RNF217: variants seen among roughly 807,000 people sequenced by gnomAD.
RNF217 encodes E3 ubiquitin-protein ligase RNF217.
Under a neutral mutation model 57.8 loss-of-function variants are expected in RNF217, and 31 were observed. The ratio of observed to expected loss-of-function variants is 0.54; its 90% CI spans 0.40 to 0.72. The LOEUF (loss-of-function observed/expected upper bound fraction) is 0.72, where lower values mean the gene tolerates loss of function less well. Among genes scored for constraint, RNF217 ranks in the 30% least tolerant of loss-of-function variants. RNF217 has a pLI of 0.00. For missense variants in RNF217, 696 were observed against 708.3 expected (o/e 0.98, Z 0.20); for synonymous variants, 313 against 294.0 (o/e 1.06, Z -0.66).
intron 1 of RNF217, among the ~76,000 whole-genome samples, chr6:124,987,745 G>A (rs1784411635): frequency 1.3e-5 from 2 of 151,988 alleles, no homozygotes; most frequent in South Asian, 2.1e-4. Flanking sequence ...GGAATAGCTG[G>A]GACTATACCT....
At chr6:125,034,039 GTTGT>G (rs1786488559) in intron 1 of RNF217, among the ~76,000 whole-genome samples, 1 of 151,704 alleles carries the variant, frequency 6.6e-6, no homozygotes, top group South Asian at 2.1e-4. Context: ...TTTTGATGGG[GTTGT>G]TTGTTTTTTT....
In RNF217 at chr6:125,045,403, G is replaced by T; in HGVS notation, c.1075G>T (p.Gly359Ter). ...GCACTTTACAACCTTCAAGAAAAAA[G>T]GACATATTCCCACCCCTTCCAGATC... ...CKHFTTFKKK[G>*]HIPTPSRSES... The change falls in exon 2 of 6, where the codon GGA becomes TGA. Residue 359 changes from glycine (G) to a stop codon, truncating the protein, a stop_gained. Coordinates refer to ENST00000521654, the MANE Select transcript of RNF217 (RefSeq NM_001286398.3). LOFTEE classifies it high-confidence loss of function. The T allele has an allele frequency of 6.2e-7, 1 of 1,613,078 alleles. No homozygotes were observed. The highest frequency in any genetic ancestry group is 2.2e-5 in the East Asian group (1 of 44,756).
chr6:125,008,807 A>ATG (rs1785300101), intron 1 of RNF217: 1 of 150,530 alleles, frequency 6.6e-6, no homozygotes, highest in Non-Finnish European at 1.5e-5. Flanking sequence ...GGTAGTAAAA[A>ATG]TGTTGTGTTT....
intron 1 of RNF217, among the ~76,000 whole-genome samples, chr6:124,976,873 A>G (rs796804582): frequency 6.6e-5 from 10 of 152,298 alleles, no homozygotes; most frequent in African/African-American, 2.2e-4. Flanking sequence ...CTTAGTTTTT[A>G]TTATATCACC....
intron 4 of RNF217, among the ~76,000 whole-genome samples, chr6:125,078,702 T>G (rs932062771): frequency 2.0e-5 from 3 of 152,158 alleles, no homozygotes; most frequent in Non-Finnish European, 4.4e-5. Flanking sequence ...CTTTTTGGCC[T>G]GTCTTTTGTG....
chr6:124,991,088 A>C (rs567691448), intron 1 of RNF217, among the ~76,000 whole-genome samples: 1 of 152,158 alleles, frequency 6.6e-6, no homozygotes, highest in Non-Finnish European at 1.5e-5. Flanking sequence ...AAGACCTGAC[A>C]TGTTGCTCTT....
intron 3 of RNF217, among the ~76,000 whole-genome samples, chr6:125,071,858 C>A (rs1398532623): frequency 2.0e-5 from 3 of 152,130 alleles, no homozygotes; most frequent in Non-Finnish European, 4.4e-5. Flanking sequence ...ATTATCTAGT[C>A]TTTCTCCATC....
In RNF217 at chr6:125,032,466, A is replaced by AAT. The variant is rs201239570; in HGVS notation, c.883-12732_883-12731dup. ...AGGAAACACTTATGCCAAATATATA[A>AAT]ATATATATATATATTTCTTATCTCC... On this transcript the variant is annotated intron_variant, in intron 1 of 5. Coordinates refer to ENST00000521654, the MANE Select transcript of RNF217 (RefSeq NM_001286398.3). Among the ~76,000 whole-genome samples, 684 of 151,308 alleles carry AAT rather than the reference A, an allele frequency of 4.5e-3. 10 individuals are homozygous for AAT. The highest frequency in any genetic ancestry group is 0.013 in the African/African-American group (540 of 41,338).
intron 1 of RNF217, among the ~76,000 whole-genome samples, chr6:125,025,864 GT>G (rs1380501765): frequency 6.6e-6 from 1 of 152,198 alleles, no homozygotes; most frequent in Non-Finnish European, 1.5e-5. Flanking sequence ...AGCTGATCCT[GT>G]TGGATTTTTA....
At chr6:125,021,428 A>G in intron 1 of RNF217, among the ~76,000 whole-genome samples, 1 of 151,602 alleles carries the variant, frequency 6.6e-6, no homozygotes, top group Non-Finnish European at 1.5e-5. Context: ...ACCATGCCCG[A>G]CTAATTTTTT....
chr6:125,062,395 AT>A (rs1787769285), intron 3 of RNF217, among the ~76,000 whole-genome samples: 1 of 152,030 alleles, frequency 6.6e-6, no homozygotes. Flanking sequence ...GAACATTAAA[AT>A]TTTTTTCCTC....
At chr6:125,078,713 T>C (rs9491306) in intron 4 of RNF217, among the ~76,000 whole-genome samples, 1,696 of 152,220 alleles carry the variant, frequency 0.011, 24 homozygotes, top group African/African-American at 0.034. Context: ...GTCTTTTGTG[T>C]GTGCAGGCGC....
chr6:125,045,969 CAT>C (rs1787082792), intron 2 of RNF217, among the ~76,000 whole-genome samples: 1 of 151,904 alleles, frequency 6.6e-6, no homozygotes, highest in Admixed American at 6.6e-5. Context: ...ATGGGAGAGA[CAT>C]GTGTTCTAAA....
chr6:125,045,530 G>A (rs1787064504), intron 2 of RNF217, 86 bp downstream of exon 2: 2 of 928,140 alleles, frequency 2.2e-6, no homozygotes, highest in Non-Finnish European at 3.3e-6. Flanking sequence ...CATTAAGGGG[G>A]CATCTTTCCT....
At position 125,082,912 on chromosome 6, in the gene RNF217, G is replaced by C. The variant is rs376223558; in HGVS notation, c.1604G>C (p.Arg535Pro). 6.9e-6 allele frequency: 11 copies of C among 1,604,380 alleles called. No individual in the cohort carries two copies. Among genetic ancestry groups the C allele is most frequent in the Non-Finnish European group, 8.5e-6 (10 of 1,177,120 alleles). ...IYCLCKKQRK[R>P]SRTGMHW ...TGCCTTTGTAAAAAACAGAGAAAAC[G>C]ATCACGGACAGGTATGCACTGGTAA... The change falls in exon 6 of 6, where the codon CGA (arginine) becomes CCA (proline). Residue 535 changes from arginine to proline, a missense_variant. Around this residue, in one of 2 missense-constraint regions of RNF217, gnomAD observed 231 missense variants for 321.4 expected, o/e 0.72. Coordinates refer to ENST00000521654, the MANE Select transcript of RNF217 (RefSeq NM_001286398.3).
chr6:125,059,344 G>A (rs1787642169), intron 3 of RNF217, among the ~76,000 whole-genome samples: 1 of 152,106 alleles, frequency 6.6e-6, no homozygotes, highest in Non-Finnish European at 1.5e-5. Context: ...TGCATCGGTT[G>A]CTCAGTATAC....
At chr6:125,012,280 T>A (rs1435465901) in intron 1 of RNF217, among the ~76,000 whole-genome samples, 1 of 152,168 alleles carries the variant, frequency 6.6e-6, no homozygotes, top group African/African-American at 2.4e-5. Flanking sequence ...ACAGAATGAC[T>A]ATGTTTCAGT....
chr6:125,078,385 G>A (rs187402604), intron 4 of RNF217, among the ~76,000 whole-genome samples: 33 of 152,138 alleles, frequency 2.2e-4, no homozygotes, highest in African/African-American at 6.5e-4. Context: ...TAATTTGGTC[G>A]TGGCAGTGTG....
intron 1 of RNF217, among the ~76,000 whole-genome samples, chr6:125,035,822 T>A (rs182818022): frequency 7.9e-5 from 12 of 152,022 alleles, no homozygotes; most frequent in African/African-American, 2.9e-4. Flanking sequence ...GAGTTAAAAG[T>A]CAAGACTTAT....
Sources: allele counts gnomAD v4.1 joint callset (sites outside exome capture counted in the v4.1 genomes callset), GRCh38; gene constraint gnomAD v4.1.1; regional missense constraint gnomAD v4.1.1; transcripts MANE v1.5; gene names NCBI Gene and HGNC (gene_info 2026-07-23, HGNC 2026-07-21).